TPD52L1: variants seen among roughly 807,000 people sequenced by gnomAD.
TPD52L1 encodes tumor protein D53.
A neutral mutation model predicts 28.7 loss-of-function variants in TPD52L1; 18 were observed. The observed-to-expected ratio is 0.63, with a 90% CI of 0.43 to 0.93. TPD52L1 has a LOEUF of 0.93. Among genes scored for constraint, TPD52L1 ranks in the 40% least tolerant of loss-of-function variants. The pLI is 0.00. For synonymous variants in TPD52L1, 75 were observed against 88.8 expected (o/e 0.84, Z 0.88); for missense variants, 203 against 254.8 (o/e 0.80, Z 1.39).
rs1031859239 is a variant in TPD52L1 at position 125,216,522 on chromosome 6, T to A, written c.20-3556T>A. Among the ~76,000 whole-genome samples, 66 of 46,758 alleles carry A rather than the reference T, an allele frequency of 1.4e-3. 1 individual carries two copies. The East Asian group carries it at 0.051, about 36-fold the overall frequency. 30.7% of individuals were successfully genotyped at this position (46,758 alleles called of 152,430 possible). A position where few individuals can be genotyped will look rare whatever the true frequency, so the allele number is the denominator to read the frequency against. On this transcript the variant is annotated intron_variant, in intron 1 of 6. Coordinates refer to ENST00000534000, the MANE Select transcript of TPD52L1 (RefSeq NM_003287.4). ...CAAGTTTGCAACAGTAAATTCAGTATGTGTGTGTATATATATATATATATA... is the reference window on the plus strand; with the variant it reads ...CAAGTTTGCAACAGTAAATTCAGTAAGTGTGTGTATATATATATATATATA...
intron 1 of TPD52L1, among the ~76,000 whole-genome samples, chr6:125,175,965 C>T (rs74605790): frequency 2.9e-3 from 434 of 149,882 alleles, no homozygotes; most frequent in African/African-American, 0.011. Flanking sequence ...TGTTCTTCTG[C>T]TGTCTTGATT....
At chr6:125,171,289 T>C (rs889818311) in intron 1 of TPD52L1, among the ~76,000 whole-genome samples, 1 of 152,294 alleles carries the variant, frequency 6.6e-6, no homozygotes, top group African/African-American at 2.4e-5. Flanking sequence ...TCCACATACA[T>C]GTGCATAAGG....
rs1232990393 is a variant in TPD52L1 at position 125,260,936 on chromosome 6, GAAAGAAAGAAAGAAAGA to G, written c.487-1895_487-1879del. 5.0e-5 allele frequency: 4 copies of G among 79,326 alleles called. 1 individual carries two copies. Among genetic ancestry groups the G allele is most frequent in the African/African-American group, 2.0e-4 (4 of 20,458 alleles). 4.9% of individuals were successfully genotyped at this position (79,326 alleles called of 1,614,324 possible). On this transcript the variant is annotated intron_variant, in intron 6 of 6. Coordinates refer to ENST00000534000, the MANE Select transcript of TPD52L1 (RefSeq NM_003287.4). ...AAGAAAGAAAGAAGAAAGAAAGAAA[GAAAGAAAGAAAGAAAGA>G]AAGAAAGAAAGAAAGAAAGAAAGAA... is the stretch of plus-strand genomic sequence containing the variant.
intron 1 of TPD52L1, among the ~76,000 whole-genome samples, chr6:125,198,797 CTGAT>C (rs1793609741): frequency 2.0e-5 from 3 of 152,052 alleles, no homozygotes; most frequent in Admixed American, 2.0e-4. Flanking sequence ...CGAGACAGTG[CTGAT>C]TGCCACAACT....
chr6:125,253,508 T>C (rs1287818031), intron 4 of TPD52L1: 1 of 558,218 alleles, frequency 1.8e-6, no homozygotes, highest in African/African-American at 1.9e-5. Context: ...CAACCACGGA[T>C]CCACCATCTA....
chr6:125,204,394 T>C (rs1793976797), intron 1 of TPD52L1, among the ~76,000 whole-genome samples: 1 of 152,234 alleles, frequency 6.6e-6, no homozygotes. Flanking sequence ...CCCTTGTTAA[T>C]GGTCATTGCA....
intron 3 of TPD52L1, among the ~76,000 whole-genome samples, chr6:125,238,527 C>A (rs1304124798): frequency 6.6e-6 from 1 of 151,900 alleles, no homozygotes. Context: ...TCCCCCGAGT[C>A]CCCAAAGTCC....
At chr6:125,167,705 C>T (rs1170190361) in intron 1 of TPD52L1, among the ~76,000 whole-genome samples, 2 of 152,158 alleles carry the variant, frequency 1.3e-5, no homozygotes, top group East Asian at 1.9e-4. Flanking sequence ...CAGTGCTTAA[C>T]ACATGCACTT....
intron 1 of TPD52L1, among the ~76,000 whole-genome samples, chr6:125,194,809 A>G (rs1793306147): frequency 6.6e-6 from 1 of 152,244 alleles, no homozygotes. Context: ...CCTTGGTTAA[A>G]GCATTTAATG....
In TPD52L1 at chr6:125,160,898, C is replaced by A. The variant is rs149591239; in HGVS notation, c.19+6928C>A. On this transcript the variant is annotated intron_variant, in intron 1 of 6. Coordinates refer to ENST00000534000, the MANE Select transcript of TPD52L1 (RefSeq NM_003287.4). ...ATGGAGTCTTGCTCTGTCACCCAGG[C>A]TGGAGTGCAGTGGCACGATCTTGGC... is the stretch of plus-strand genomic sequence containing the variant. Among the ~76,000 whole-genome samples, 914 of 147,274 alleles carry A rather than the reference C, an allele frequency of 6.2e-3. 14 individuals carry two copies. The highest frequency in any genetic ancestry group is 0.022 in the African/African-American group (857 of 39,170).
chr6:125,223,048 A>T (rs1403945163), intron 2 of TPD52L1, among the ~76,000 whole-genome samples: 1 of 152,174 alleles, frequency 6.6e-6, no homozygotes, highest in Admixed American at 6.5e-5. Flanking sequence ...ATTCCTTTAG[A>T]GTCTGTGTTT....
rs182661799 is a variant in TPD52L1, at chr6:125,235,752, G to A, written c.284+6486G>A. 4.8e-3 allele frequency among the ~76,000 whole-genome samples: 735 copies of A among 152,332 alleles called. 4 individuals are homozygous for A. The highest frequency in any genetic ancestry group is 0.017 in the African/African-American group (691 of 41,584). On this transcript the variant is annotated intron_variant, in intron 3 of 6. Coordinates refer to ENST00000534000, the MANE Select transcript of TPD52L1 (RefSeq NM_003287.4). ...GCAACTAACTGTTTTCAAGAAATATGATGGTTAGCTGGGCTCAGTGGCGCT... is the reference window on the plus strand; with the variant it reads ...GCAACTAACTGTTTTCAAGAAATATAATGGTTAGCTGGGCTCAGTGGCGCT...
At chr6:125,187,039 G>A (rs1465696634) in intron 1 of TPD52L1, among the ~76,000 whole-genome samples, 1 of 152,020 alleles carries the variant, frequency 6.6e-6, no homozygotes, top group East Asian at 1.9e-4. Flanking sequence ...ACAATAGGTG[G>A]GAGAAAGGAT....
At chr6:125,192,540 A>G (rs1032108539) in intron 1 of TPD52L1, among the ~76,000 whole-genome samples, 1 of 151,906 alleles carries the variant, frequency 6.6e-6, no homozygotes, top group African/African-American at 2.4e-5. Flanking sequence ...TCTGCCCGCA[A>G]GTCCTGAGGC....
intron 1 of TPD52L1, among the ~76,000 whole-genome samples, chr6:125,205,810 G>T (rs1794088055): frequency 6.6e-6 from 1 of 152,100 alleles, no homozygotes; most frequent in African/African-American, 2.4e-5. Context: ...TGGCCACCTT[G>T]TACATATGGA....
chr6:125,205,900 CAA>C (rs769526854), intron 1 of TPD52L1, among the ~76,000 whole-genome samples: 2 of 152,132 alleles, frequency 1.3e-5, no homozygotes, highest in African/African-American at 2.4e-5. Flanking sequence ...ATTTTTAGCC[CAA>C]GTTAGGTTTT....
intron 6 of TPD52L1, chr6:125,259,815 C>G (rs569645207): frequency 2.0e-5 from 3 of 152,110 alleles, no homozygotes; most frequent in African/African-American, 7.2e-5. Flanking sequence ...ATGCAAAGAA[C>G]GATTATAATT....
At chr6:125,257,570 C>T (rs766558469) in intron 6 of TPD52L1, among the ~76,000 whole-genome samples, 8 of 152,276 alleles carry the variant, frequency 5.3e-5, no homozygotes, top group East Asian at 1.9e-4. Context: ...CTGGGGACTA[C>T]GTATCCACTA....
intron 1 of TPD52L1, among the ~76,000 whole-genome samples, chr6:125,201,641 T>A (rs1407455943): frequency 6.6e-6 from 1 of 152,250 alleles, no homozygotes; most frequent in East Asian, 1.9e-4. Flanking sequence ...CTTATCCCAT[T>A]TTGGCTTCTT....
Sources: gnomAD v4.1 joint callset for allele counts (sites outside exome capture counted in the v4.1 genomes callset) on GRCh38, gnomAD v4.1.1 for gene constraint, MANE v1.5 for transcripts, NCBI Gene and HGNC (gene_info 2026-07-23, HGNC 2026-07-21) for gene names.